The following FAM227B variants were observed in gnomAD, a reference collection of about 807,000 sequenced individuals.
FAM227B encodes family with sequence similarity 227 member B.
In FAM227B, 88 loss-of-function variants were observed where a neutral mutation model predicts 73.8. The observed-to-expected ratio is 1.19, with a 90% confidence interval of 1.00 to 1.42. The LOEUF (loss-of-function observed/expected upper bound fraction) is 1.42. FAM227B is among the 40% of genes most tolerant of loss of function. The pLI is 0.00. For missense variants in FAM227B, 632 were observed against 590.9 expected (o/e 1.07, Z -0.72); for synonymous variants, 210 against 190.5 (o/e 1.10, Z -0.84).
chr15:49,350,029 C>T (rs1371488662), intron 13 of FAM227B, among the ~76,000 whole-genome samples: 1 of 152,146 alleles, frequency 6.6e-6, no homozygotes, highest in African/African-American at 2.4e-5. Flanking sequence ...AGCCCCTAAA[C>T]TTCTAAAATT....
At chr15:49,394,030 G>C (rs2047397439) in intron 11 of FAM227B, among the ~76,000 whole-genome samples, 2 of 151,836 alleles carry the variant, frequency 1.3e-5, no homozygotes, top group Non-Finnish European at 2.9e-5. Context: ...TCCCTTTTTT[G>C]GATTAATTAG....
At position 49,401,352 on chromosome 15, in the gene FAM227B, C is replaced by T. The variant is rs1240150749; in HGVS notation, c.1013-29953G>A. ...CAATCATTAAAAAGTCAGGAAACAACAGGTGCTGGAGAGGATGTGGAGAAA... is the reference window on the plus strand; with the variant it reads ...CAATCATTAAAAAGTCAGGAAACAATAGGTGCTGGAGAGGATGTGGAGAAA... On this transcript the variant is annotated intron_variant, in intron 11 of 15. Transcript: ENST00000299338. Among the ~76,000 whole-genome samples, 3 of 152,194 alleles carry T rather than the reference C, an allele frequency of 2.0e-5. No homozygotes were observed. In the East Asian group the frequency reaches 5.8e-4, roughly 29 times the overall value.
rs145985663 is a variant in FAM227B, at chr15:49,554,323, G to A, written c.748-12517C>T. On this transcript the variant is annotated intron_variant, in intron 9 of 15. Transcript: ENST00000299338. ...CCCTACTGATGTGTCACTATGTTGC[G>A]TGCACACTCCAGTCCATTGTCTCTG... 2.5e-3 allele frequency among the ~76,000 whole-genome samples: 376 copies of A among 152,200 alleles called. 2 individuals carry two copies. Among genetic ancestry groups the A allele is most frequent in the African/African-American group, 7.7e-3 (319 of 41,518 alleles).
Position 49,555,936 on chromosome 15 carries a change from C to T in FAM227B, c.747+12309G>A, listed in dbSNP as rs144990996. ...AAATGGCCATTTTGTCTTCTACCAC[C>T]TGTATCATTTTATTGTATTCCTTAG... On this transcript the variant is annotated intron_variant, in intron 9 of 15. Transcript: ENST00000299338. Among the ~76,000 whole-genome samples, 859 of 152,262 alleles carry T rather than the reference C, an allele frequency of 5.6e-3. 8 individuals carry two copies. Among genetic ancestry groups the T allele is most frequent in the African/African-American group, 0.02 (818 of 41,554 alleles).
At chr15:49,479,863 G>A (rs2055761974) in intron 11 of FAM227B, among the ~76,000 whole-genome samples, 1 of 151,902 alleles carries the variant, frequency 6.6e-6, no homozygotes, top group Non-Finnish European at 1.5e-5. Context: ...ATCCACCCGC[G>A]TTGGCCTCCC....
rs1443960562 is a variant in FAM227B at position 49,489,877 on chromosome 15, TATATATAG to T, written c.1012+18326_1012+18333del. On this transcript the variant is annotated intron_variant, in intron 11 of 15. Coordinates refer to ENST00000299338, the MANE Select transcript of FAM227B (RefSeq NM_152647.3). Reference sequence around the variant, plus strand: ...TATATATTTTATATATATATATATATATATATAGAGAGAGAGAGAGAGAGAGAGAGAGA... The same window carrying T: ...TATATATTTTATATATATATATATATAGAGAGAGAGAGAGAGAGAGAGAGA... 5.1e-4 allele frequency among the ~76,000 whole-genome samples: 9 copies of T among 17,588 alleles called. 1 individual carries two copies. Among genetic ancestry groups the T allele is most frequent in the South Asian group, 2.0e-3 (1 of 496 alleles). 11.5% of individuals were successfully genotyped at this position (17,588 alleles called of 152,430 possible).
At chr15:49,567,755 AT>A (rs1303897439) in intron 9 of FAM227B, among the ~76,000 whole-genome samples, 1 of 152,094 alleles carries the variant, frequency 6.6e-6, no homozygotes, top group Non-Finnish European at 1.5e-5. Flanking sequence ...GACATTACTT[AT>A]TTGAATCAAT....
chr15:49,566,994 C>A (rs2074710033), intron 9 of FAM227B, among the ~76,000 whole-genome samples: 2 of 152,098 alleles, frequency 1.3e-5, no homozygotes, highest in Admixed American at 1.3e-4. Flanking sequence ...AATGTTACCA[C>A]CATTTTATTC....
At chr15:49,454,831 G>A (rs760489996) in intron 11 of FAM227B, among the ~76,000 whole-genome samples, 1 of 151,994 alleles carries the variant, frequency 6.6e-6, no homozygotes, top group African/African-American at 2.4e-5. Context: ...GGATGGTCTC[G>A]ATCTCCTGAC....
intron 11 of FAM227B, among the ~76,000 whole-genome samples, chr15:49,407,694 T>C (rs2048614149): frequency 6.7e-6 from 1 of 148,666 alleles, no homozygotes. Context: ...ATATATAATA[T>C]GTATTTATAT....
intron 10 of FAM227B, among the ~76,000 whole-genome samples, chr15:49,530,499 T>C (rs759577873): frequency 3.3e-5 from 5 of 151,874 alleles, no homozygotes; most frequent in Admixed American, 6.6e-5. Flanking sequence ...AAAATAGTTA[T>C]GGCAAATGAC....
At chr15:49,408,327 C>T (rs2048655672) in intron 11 of FAM227B, among the ~76,000 whole-genome samples, 1 of 152,284 alleles carries the variant, frequency 6.6e-6, no homozygotes, top group Non-Finnish European at 1.5e-5. Flanking sequence ...CCTTTGTAAG[C>T]AACTTGTGCA....
chr15:49,329,307 C>CTGGCTTTCTCT (rs2038139532), intron 15 of FAM227B: 1 of 985,146 alleles, frequency 1.0e-6, no homozygotes, highest in South Asian at 4.7e-5. Flanking sequence ...TGTGGATGGA[C>CTGGCTTTCTCT]TATAGGAAGC....
At chr15:49,439,618 G>A (rs771131583) in intron 11 of FAM227B, among the ~76,000 whole-genome samples, 2 of 151,678 alleles carry the variant, frequency 1.3e-5, no homozygotes, top group Non-Finnish European at 3.0e-5. Context: ...ATAAGTTTGT[G>A]GAATAAGCTT....
rs770088619 is a variant in FAM227B at position 49,328,031 on chromosome 15, C to G, written c.*537G>C. Reference sequence around the variant, plus strand: ...AGTATCAATGGTACCTGCGGACAAGCTGCCCAGCTTTCTAGCAAATGTGCA... The same window carrying G: ...AGTATCAATGGTACCTGCGGACAAGGTGCCCAGCTTTCTAGCAAATGTGCA... On this transcript the variant is annotated 3_prime_UTR_variant, in exon 16 of 16. Coordinates refer to ENST00000299338, the MANE Select transcript of FAM227B (RefSeq NM_152647.3). 1 of 1,613,880 alleles carries G rather than the reference C, an allele frequency of 6.2e-7. No homozygotes were observed.
At chr15:49,370,148 T>C (rs924984804) in intron 12 of FAM227B, among the ~76,000 whole-genome samples, 5 of 152,198 alleles carry the variant, frequency 3.3e-5, no homozygotes, top group African/African-American at 1.2e-4. Context: ...TTCTGTTGTT[T>C]AAGCTACCCA....
intron 3 of FAM227B, among the ~76,000 whole-genome samples, chr15:49,600,898 T>C (rs1311812129): frequency 6.7e-6 from 1 of 149,738 alleles, no homozygotes; most frequent in Non-Finnish European, 1.5e-5. Flanking sequence ...AAAAATTAGC[T>C]GGGTGTGGTG....
intron 10 of FAM227B, among the ~76,000 whole-genome samples, chr15:49,521,898 A>G (rs957742427): frequency 6.6e-6 from 1 of 152,094 alleles, no homozygotes; most frequent in Non-Finnish European, 1.5e-5. Context: ...ACATTCAACC[A>G]TGAACTCCCT....
intron 3 of FAM227B, among the ~76,000 whole-genome samples, chr15:49,607,635 C>T (rs2077606829): frequency 1.3e-5 from 2 of 152,146 alleles, no homozygotes; most frequent in Middle Eastern, 6.8e-3. Context: ...AATCCTTTTC[C>T]CCAAGATATT....
Sources: gnomAD v4.1 joint callset for allele counts (sites outside exome capture counted in the v4.1 genomes callset) on GRCh38, gnomAD v4.1.1 for gene constraint, MANE v1.5 for transcripts, NCBI Gene and HGNC (gene_info 2026-07-23, HGNC 2026-07-21) for gene names.